The following MMP20 variants were observed in gnomAD, a reference collection of about 807,000 sequenced individuals.
MMP20 encodes matrix metallopeptidase 20, also known as matrix metalloproteinase-20.
MMP20 carries 50 observed loss-of-function variants against 51.8 expected under a neutral mutation model. That is an observed-to-expected ratio of 0.97 (90% confidence interval 0.77 to 1.22). The LOEUF is 1.22. Among genes scored for constraint, MMP20 ranks in the 50% most tolerant of loss-of-function variants. The pLI is 0.00. For synonymous variants in MMP20, 244 were observed against 216.2 expected (o/e 1.13, Z -1.13); for missense variants, 663 against 601.4 (o/e 1.10, Z -1.07).
intron 8 of MMP20, among the ~76,000 whole-genome samples, chr11:102,591,436 C>G (rs923685190): frequency 6.6e-6 from 1 of 152,212 alleles, no homozygotes; most frequent in Non-Finnish European, 1.5e-5. Flanking sequence ...TGCATCACAA[C>G]TTGTTAAGAA....
chr11:102,601,572 C>CA (rs1859447034), intron 6 of MMP20, among the ~76,000 whole-genome samples: 1 of 152,086 alleles, frequency 6.6e-6, no homozygotes, highest in Non-Finnish European at 1.5e-5. Context: ...TTTTCATCTC[C>CA]ACATCTTTAA....
intron 6 of MMP20, among the ~76,000 whole-genome samples, chr11:102,598,056 A>G (rs1419148981): frequency 6.6e-6 from 1 of 152,002 alleles, no homozygotes; most frequent in Non-Finnish European, 1.5e-5. Context: ...CGTAGACACC[A>G]TGCCTGGCCA....
rs545025069 is a variant in MMP20 at position 102,594,631 on chromosome 11, G to A, written c.1080C>T (p.Tyr360=). ...GGATCTGTAGGGTACCTTTGAAGAA[G>A]TAAGCAGTGCCCCTCTCAGCCACTT... ...AYEVAERGTA[Y]FFKGPHYWIT... The change falls in exon 7 of 10, where the codon TAC becomes TAT. Residue 360 remains tyrosine, a synonymous_variant. Transcript: ENST00000260228. 2 of 1,613,836 alleles carry A rather than the reference G, an allele frequency of 1.2e-6. No homozygotes were observed. Among genetic ancestry groups the A allele is most frequent in the South Asian group, 1.1e-5 (1 of 91,054 alleles).
rs1591613768 is a variant in MMP20, at chr11:102,596,650, G to A, written c.954-1893C>T. Among the ~76,000 whole-genome samples, 3 of 152,286 alleles carry A rather than the reference G, an allele frequency of 2.0e-5. 1 individual carries two copies. In the South Asian group the frequency reaches 6.2e-4, roughly 32 times the overall value. ...CGTATGTTTTAACTGATGAAAAACT[G>A]AGATCCAGAAGGGCTGCTGGCCCAA... On this transcript the variant is annotated intron_variant, in intron 6 of 9. Transcript: ENST00000260228.
intron 3 of MMP20, 50 bp from the exon 4 acceptor site, chr11:102,610,080 C>T (rs1859577953): frequency 1.9e-6 from 3 of 1,604,858 alleles, no homozygotes; most frequent in Non-Finnish European, 2.6e-6. Context: ...TCTAGAAATT[C>T]TGAGGGGCGC....
intron 1 of MMP20, among the ~76,000 whole-genome samples, chr11:102,619,099 A>T (rs1174778226): frequency 3.3e-5 from 5 of 152,112 alleles, no homozygotes; most frequent in Admixed American, 3.3e-4. Flanking sequence ...TTCCGTCTCT[A>T]GTTAGACCAC....
At chr11:102,616,617 A>C (rs1859674361) in intron 2 of MMP20, among the ~76,000 whole-genome samples, 195 bp downstream of exon 2, 1 of 152,352 alleles carries the variant, frequency 6.6e-6, no homozygotes, top group East Asian at 1.9e-4. Flanking sequence ...AGTCATTATG[A>C]TAATCCTAAA....
intron 9 of MMP20, among the ~76,000 whole-genome samples, chr11:102,578,059 A>G (rs1859147319): frequency 6.6e-6 from 1 of 152,232 alleles, no homozygotes; most frequent in African/African-American, 2.4e-5. Context: ...TGTATTCAAC[A>G]AAGTTCTATT....
chr11:102,617,392 T>C (rs1859688703), intron 1 of MMP20, among the ~76,000 whole-genome samples: 1 of 152,244 alleles, frequency 6.6e-6, no homozygotes, highest in Admixed American at 6.5e-5. Context: ...GGAAGGAAGC[T>C]GATGTGAACA....
rs1021510731 is a variant in MMP20 at position 102,611,811 on chromosome 11, C to T, written c.467G>A (p.Ser156Asn). 18 of 1,614,114 alleles carry T rather than the reference C, an allele frequency of 1.1e-5. No homozygotes were observed. Among genetic ancestry groups the T allele is most frequent in the Non-Finnish European group, 1.5e-5 (18 of 1,180,048 alleles). The change falls in exon 3 of 10, where the codon AGC becomes AAC. Residue 156 changes from serine (S) to asparagine (N), a missense_variant. Ser to Asn is a conservative substitution (Grantham distance 46, BLOSUM62 1). Coordinates refer to ENST00000260228, the MANE Select transcript of MMP20 (RefSeq NM_004771.4). Reference sequence around the variant, plus strand: ...TTCTCCTGAGTTTATTCTGACAAAGCTCAGAGGGACGGCGCTACTCCAGGC... The same window carrying T: ...TTCTCCTGAGTTTATTCTGACAAAGTTCAGAGGGACGGCGCTACTCCAGGC... ...LQAWSSAVPL[S>N]FVRINSGEAD...
intron 6 of MMP20, among the ~76,000 whole-genome samples, chr11:102,601,031 G>A (rs1859439265): frequency 1.3e-5 from 2 of 151,786 alleles, no homozygotes; most frequent in South Asian, 4.1e-4. Context: ...TTCCAGCTGA[G>A]GACAATGACA....
At position 102,577,086 on chromosome 11, in the gene MMP20, G is replaced by A. The variant is rs1859134450; in HGVS notation, c.*240C>T. 8 of 492,060 alleles carry A rather than the reference G, an allele frequency of 1.6e-5. 1 individual carries two copies. The East Asian group carries it at 3.1e-4, about 19-fold the overall frequency. 30.5% of individuals were successfully genotyped at this position (492,060 alleles called of 1,614,324 possible). ...AAATAATGGTGTCTAACTGCAGAGT[G>A]CATTGTGTTGATTTGGATTTCGCAT... is the stretch of plus-strand genomic sequence containing the variant. On this transcript the variant is annotated 3_prime_UTR_variant, in exon 10 of 10. Coordinates refer to ENST00000260228, the MANE Select transcript of MMP20 (RefSeq NM_004771.4).
At chr11:102,620,329 A>T (rs572183553) in intron 1 of MMP20, among the ~76,000 whole-genome samples, 1 of 152,218 alleles carries the variant, frequency 6.6e-6, no homozygotes, top group African/African-American at 2.4e-5. Context: ...GTTTTGGCAT[A>T]CTTTTCACTG....
At position 102,577,068 on chromosome 11, in the gene MMP20, G is replaced by T. The variant is rs1333577598; in HGVS notation, c.*258C>A. ...AGTATATTAGGTAAGAAAAAATAAT[G>T]GTGTCTAACTGCAGAGTGCATTGTG... is the stretch of plus-strand genomic sequence containing the variant. On this transcript the variant is annotated 3_prime_UTR_variant, in exon 10 of 10. Transcript: ENST00000260228. 1 of 440,196 alleles carries T rather than the reference G, an allele frequency of 2.3e-6. No homozygotes were observed. Among genetic ancestry groups the T allele is most frequent in the Non-Finnish European group, 4.2e-6 (1 of 239,264 alleles). 27.3% of individuals were successfully genotyped at this position (440,196 alleles called of 1,614,324 possible).
intron 6 of MMP20, among the ~76,000 whole-genome samples, chr11:102,598,818 A>G (rs1859412963): frequency 6.6e-6 from 1 of 152,018 alleles, no homozygotes; most frequent in African/African-American, 2.4e-5. Context: ...ATCATTCTCC[A>G]CCTACCTAAG....
intron 1 of MMP20, among the ~76,000 whole-genome samples, chr11:102,618,023 T>G (rs1229742137): frequency 6.6e-6 from 1 of 152,194 alleles, no homozygotes; most frequent in Non-Finnish European, 1.5e-5. Context: ...TGGCATAATA[T>G]TTGCATACAA....
chr11:102,596,351 G>A (rs1859380214), intron 6 of MMP20, among the ~76,000 whole-genome samples: 1 of 152,182 alleles, frequency 6.6e-6, no homozygotes, highest in Admixed American at 6.5e-5. Flanking sequence ...GAGAAGATGT[G>A]GGCTAGAGTT....
chr11:102,594,548 C>A, intron 7 of MMP20, 73 bp downstream of exon 7: 1 of 1,587,144 alleles, frequency 6.3e-7, no homozygotes, highest in Non-Finnish European at 8.6e-7. Flanking sequence ...AAAATGCTGG[C>A]AGGGCTAGAT....
chr11:102,579,346 A>T (rs2135926767), intron 8 of MMP20, among the ~76,000 whole-genome samples: 1 of 150,724 alleles, frequency 6.6e-6, no homozygotes, highest in South Asian at 2.1e-4. Flanking sequence ...ATGGGGTCTC[A>T]CTGTTGCCCA....
Sources: gnomAD v4.1 joint callset for allele counts (sites outside exome capture counted in the v4.1 genomes callset) on GRCh38, gnomAD v4.1.1 for gene constraint, MANE v1.5 for transcripts, NCBI Gene and HGNC (gene_info 2026-07-23, HGNC 2026-07-21) for gene names.